The following MYT1L variants were observed in gnomAD, a reference collection of about 807,000 sequenced individuals.
MYT1L encodes the protein myelin transcription factor 1-like protein.
MYT1L carries 12 observed loss-of-function variants against 126.7 expected under a neutral mutation model. That is an observed-to-expected ratio of 0.09 (90% CI 0.06 to 0.15). The LOEUF (loss-of-function observed/expected upper bound fraction) is 0.15, where lower values mean the gene tolerates loss of function less well. Among genes scored for constraint, MYT1L ranks in the 10% least tolerant of loss-of-function variants. MYT1L has a pLI of 1.00. For missense variants in MYT1L, 979 were observed against 1,585.2 expected (o/e 0.62, Z 6.49); for synonymous variants, 541 against 604.2 (o/e 0.90, Z 1.53).
chr2:2,046,783 C>G (rs2068239546), intron 4 of MYT1L, among the ~76,000 whole-genome samples: 1 of 152,174 alleles, frequency 6.6e-6, no homozygotes, highest in Non-Finnish European at 1.5e-5. Flanking sequence ...ATTACTAGTA[C>G]AGAGGATACA....
intron 2 of MYT1L, among the ~76,000 whole-genome samples, chr2:2,184,686 A>G (rs1279370295): frequency 2.0e-5 from 3 of 152,010 alleles, no homozygotes; most frequent in Admixed American, 6.6e-5. Context: ...ACGCCCACCA[A>G]TGGGCTGGCG....
intron 3 of MYT1L, among the ~76,000 whole-genome samples, chr2:2,063,386 A>G (rs1231929135): frequency 1.3e-5 from 2 of 152,172 alleles, no homozygotes; most frequent in African/African-American, 4.8e-5. Flanking sequence ...ACAAGACAGC[A>G]TTAGAAAGCC....
chr2:2,098,128 CTTTATAA>C (rs1382038897), intron 3 of MYT1L, among the ~76,000 whole-genome samples: 2 of 152,174 alleles, frequency 1.3e-5, no homozygotes, highest in Admixed American at 6.5e-5. Flanking sequence ...AACCTCCTTT[CTTTATAA>C]ATTACCCAGC....
At chr2:1,903,452 C>A (rs2050610163) in intron 13 of MYT1L, among the ~76,000 whole-genome samples, 158 bp from the exon 14 acceptor site, 1 of 152,112 alleles carries the variant, frequency 6.6e-6, no homozygotes, top group Admixed American at 6.6e-5. Context: ...GAATAAAAGA[C>A]AAAATGTCTT....
chr2:2,038,619 T>C (rs575695382), intron 4 of MYT1L, among the ~76,000 whole-genome samples: 2 of 152,308 alleles, frequency 1.3e-5, no homozygotes, highest in East Asian at 3.9e-4. Flanking sequence ...ATCGATTTTT[T>C]ATGTGTAGTC....
intron 3 of MYT1L, among the ~76,000 whole-genome samples, chr2:2,150,490 A>AC (rs1451729543): frequency 4.6e-5 from 7 of 152,218 alleles, no homozygotes; most frequent in African/African-American, 1.7e-4. Context: ...TACAGTTTGA[A>AC]CACCAGGGTT....
chr2:2,169,535 C>A (rs935552357), intron 3 of MYT1L, among the ~76,000 whole-genome samples: 1 of 152,174 alleles, frequency 6.6e-6, no homozygotes, highest in Admixed American at 6.5e-5. Flanking sequence ...TCTTTTTCAG[C>A]ATTAACCTTT....
chr2:1,814,008 C>T (rs2037202264), intron 21 of MYT1L, among the ~76,000 whole-genome samples: 1 of 126,470 alleles, frequency 7.9e-6, no homozygotes, highest in African/African-American at 3.0e-5. Flanking sequence ...GCCTGGGCGA[C>T]AGAGCGAGAC....
At chr2:2,076,445 G>A (rs2075234044) in intron 3 of MYT1L, among the ~76,000 whole-genome samples, 1 of 152,140 alleles carries the variant, frequency 6.6e-6, no homozygotes, top group African/African-American at 2.4e-5. Flanking sequence ...GCTATTCATT[G>A]GCCGACCACT....
At chr2:2,293,579 G>A (rs1023022910) in intron 1 of MYT1L, among the ~76,000 whole-genome samples, 5 of 152,148 alleles carry the variant, frequency 3.3e-5, no homozygotes, top group Non-Finnish European at 5.9e-5. Flanking sequence ...GGGGCCTCAG[G>A]GGGTCCCCGG....
chr2:2,104,629 T>G (rs1559036), intron 3 of MYT1L, among the ~76,000 whole-genome samples: 2 of 152,224 alleles, frequency 1.3e-5, no homozygotes, highest in African/African-American at 4.8e-5. Flanking sequence ...CAGTTACATA[T>G]TTGGCACGAA....
At chr2:2,279,085 C>T (rs889144384) in intron 2 of MYT1L, among the ~76,000 whole-genome samples, 1 of 152,124 alleles carries the variant, frequency 6.6e-6, no homozygotes, top group Non-Finnish European at 1.5e-5. Flanking sequence ...CCCCAAACTA[C>T]TTAAGAGGAT....
intron 8 of MYT1L, among the ~76,000 whole-genome samples, chr2:1,967,951 G>C (rs1024222837): frequency 1.3e-5 from 2 of 152,132 alleles, no homozygotes; most frequent in Admixed American, 6.5e-5. Flanking sequence ...GAGCTTCCTC[G>C]GGCCCCTGCA....
chr2:2,116,826 C>T (rs929684796), intron 3 of MYT1L, among the ~76,000 whole-genome samples: 2 of 152,210 alleles, frequency 1.3e-5, no homozygotes, highest in African/African-American at 4.8e-5. Flanking sequence ...GAGGTGCAGC[C>T]AACCCTCACC....
chr2:1,854,557 T>C (rs1365647462), intron 18 of MYT1L, among the ~76,000 whole-genome samples: 2 of 152,202 alleles, frequency 1.3e-5, no homozygotes, highest in African/African-American at 4.8e-5. Flanking sequence ...AAAAAAAGTT[T>C]TTAAAATGTC....
chr2:1,951,036 A>G (rs2149312229), intron 8 of MYT1L, among the ~76,000 whole-genome samples: 1 of 152,230 alleles, frequency 6.6e-6, no homozygotes, highest in East Asian at 1.9e-4. Flanking sequence ...GTGCACTGGT[A>G]CGGAAGACAC....
chr2:2,284,858 C>A (rs2095495628), intron 1 of MYT1L, among the ~76,000 whole-genome samples: 1 of 152,046 alleles, frequency 6.6e-6, no homozygotes, highest in Non-Finnish European at 1.5e-5. Flanking sequence ...CATGCACCAC[C>A]ATGCCCAGCT....
chr2:1,924,346 G>GT (rs2053949437), intron 9 of MYT1L, among the ~76,000 whole-genome samples: 1 of 152,150 alleles, frequency 6.6e-6, no homozygotes, highest in Non-Finnish European at 1.5e-5. Flanking sequence ...GTTCCTAAAT[G>GT]TATCTGTACC....
intron 5 of MYT1L, among the ~76,000 whole-genome samples, chr2:1,988,052 T>C (rs1427898666): frequency 2.0e-5 from 3 of 152,248 alleles, no homozygotes; most frequent in Non-Finnish European, 4.4e-5. Context: ...TCCATAGACT[T>C]TGCACATGCC....
Sources: allele counts gnomAD v4.1 joint callset (sites outside exome capture counted in the v4.1 genomes callset), GRCh38; gene constraint gnomAD v4.1.1; transcripts MANE v1.5; gene names NCBI Gene and HGNC (gene_info 2026-07-23, HGNC 2026-07-21).